PRG4: variants seen among roughly 807,000 people sequenced by gnomAD.
PRG4 encodes proteoglycan 4.
PRG4 carries 61 observed loss-of-function variants against 91.2 expected under a neutral mutation model. That is an observed-to-expected ratio of 0.67 (90% CI 0.54 to 0.83). The LOEUF is 0.83. Among genes scored for constraint, PRG4 ranks in the 40% least tolerant of loss-of-function variants. The pLI is 0.00. For missense variants in PRG4, 1,564 were observed against 1,714.2 expected, an observed-to-expected ratio of 0.91 and a Z score of 1.55; for synonymous variants, 576 against 614.2, an observed-to-expected ratio of 0.94 and a Z score of 0.92.
intron 3 of PRG4, 123 bp from the exon 4 acceptor site, chr1:186,301,469 A>G: frequency 7.1e-7 from 1 of 1,409,062 alleles, no homozygotes; most frequent in Admixed American, 1.9e-5. Context: ...CCAAATTTCA[A>G]ATAAAAGACT....
chr1:186,299,963 G>T, intron 2 of PRG4, 128 bp from the exon 3 acceptor site: 1 of 1,111,856 alleles, frequency 9.0e-7, no homozygotes, highest in Non-Finnish European at 1.4e-6. Flanking sequence ...GCCTATTGCT[G>T]ACATCATTCC....
chr1:186,298,123 G>A (rs1655972264), intron 2 of PRG4, among the ~76,000 whole-genome samples: 1 of 152,190 alleles, frequency 6.6e-6, no homozygotes, highest in Non-Finnish European at 1.5e-5. Flanking sequence ...GCTCACACCT[G>A]TAATCCCAGC....
In PRG4 at chr1:186,312,096, T is replaced by C. The variant is rs991242002; in HGVS notation, c.3794-79T>C. The C allele has an allele frequency of 9.6e-5, 119 of 1,233,284 alleles. 4 individuals carry two copies. The Middle Eastern group carries it at 2.9e-3, about 30-fold the overall frequency. 76.4% of individuals were successfully genotyped at this position (1,233,284 alleles called of 1,614,324 possible). A position where few individuals can be genotyped will look rare whatever the true frequency, so the allele number is the denominator to read the frequency against. ...GAGAACAAAACTGTTTCCTATACAT[T>C]GTAAAAGTTGTTTTCCACCTTTTCT... is the stretch of plus-strand genomic sequence containing the variant. On this transcript the variant is annotated intron_variant, in intron 10 of 12. Transcript: ENST00000445192.
In PRG4 at chr1:186,311,501, T is replaced by C; in HGVS notation, c.3698T>C (p.Phe1233Ser). 6.2e-7 allele frequency: 1 copy of C among 1,613,714 alleles called. No individual in the cohort carries two copies. The highest frequency in any genetic ancestry group is 8.5e-7 in the Non-Finnish European group (1 of 1,179,636). The change falls in exon 10 of 13, where the codon TTC becomes TCC. Residue 1233 changes from phenylalanine to serine, a missense_variant. Around this residue, in one of 3 missense-constraint regions of PRG4, gnomAD observed 1,079 missense variants for 1,162.2 expected, o/e 0.93. Transcript: ENST00000445192. ...IKDAGYPKPI[F>S]KGFGGLTGQI... Reference sequence around the variant, plus strand: ...GATGCAGGGTACCCCAAACCAATTTTCAAAGGATTTGGAGGACTAACTGGA... The same window carrying C: ...GATGCAGGGTACCCCAAACCAATTTCCAAAGGATTTGGAGGACTAACTGGA...
In PRG4 at chr1:186,307,060, C is replaced by A; in HGVS notation, c.1341C>A (p.Thr447=). 6.5e-7 allele frequency: 1 copy of A among 1,549,512 alleles called. No homozygotes were observed. Among genetic ancestry groups the A allele is most frequent in the Non-Finnish European group, 8.7e-7 (1 of 1,145,192 alleles). The part of the protein sequence containing the change: ...PTTPKKPAPT[T]PKEPAPTTPK... ...CCCCCAAGAAGCCTGCCCCAACTAC[C>A]CCCAAGGAGCCTGCACCCACCACTC... is the stretch of plus-strand genomic sequence containing the variant. Residue 447 remains threonine, a synonymous_variant, in exon 7 of 13, where the codon ACC becomes ACA. Transcript: ENST00000445192.
At chr1:186,297,145 A>G (rs1655910636) in intron 2 of PRG4, among the ~76,000 whole-genome samples, 194 bp downstream of exon 2, 1 of 152,120 alleles carries the variant, frequency 6.6e-6, no homozygotes, top group South Asian at 2.1e-4. Flanking sequence ...TCTCCTTTTG[A>G]GAGTTTTGAG....
At chr1:186,311,902 T>C (rs1371825375) in intron 10 of PRG4, 1 of 541,812 alleles carries the variant, frequency 1.8e-6, no homozygotes, top group East Asian at 3.2e-5. Flanking sequence ...ATTCCAGTTT[T>C]AGTATATGTG....
chr1:186,313,970 T>C lies in PRG4; in HGVS notation c.*192T>C, dbSNP rs753528402. 6.2e-7 allele frequency: 1 copy of C among 1,611,620 alleles called. No individual in the cohort carries two copies. Among genetic ancestry groups the C allele is most frequent in the Non-Finnish European group, 8.5e-7 (1 of 1,178,786 alleles). On this transcript the variant is annotated 3_prime_UTR_variant, in exon 13 of 13. Transcript: ENST00000445192. ...CACAGTTGTTATTGTTTACAGACCA[T>C]TTAATTAATATTTCCTCTGTTTATT...
chr1:186,296,903 C>T lies in PRG4; in HGVS notation c.28C>T (p.Leu10=). The change falls in exon 2 of 13, where the codon CTG becomes TTG. Residue 10 remains leucine (L), a synonymous_variant. Coordinates refer to ENST00000445192, the MANE Select transcript of PRG4 (RefSeq NM_005807.6). ...GGCATGGAAAACACTTCCCATTTACCTGTTGTTGCTGCTGTCTGTTTTCGT... is the reference window on the plus strand; with the variant it reads ...GGCATGGAAAACACTTCCCATTTACTTGTTGTTGCTGCTGTCTGTTTTCGT... MAWKTLPIY[L]LLLLSVFVIQ... is the part of the protein sequence containing the mutation. The T allele has an allele frequency of 6.2e-7, 1 of 1,613,970 alleles. No individual in the cohort carries two copies.
rs751315380 is a variant in PRG4 at position 186,300,035 on chromosome 1, G to T, written c.77-56G>T. ...GTGGCTTTGTCCCCCTCGTTAGATTGCTCCCTTTCTATAAAGTGGTTTGGC... is the reference window on the plus strand; with the variant it reads ...GTGGCTTTGTCCCCCTCGTTAGATTTCTCCCTTTCTATAAAGTGGTTTGGC... On this transcript the variant is annotated intron_variant, in intron 2 of 12. Coordinates refer to ENST00000445192, the MANE Select transcript of PRG4 (RefSeq NM_005807.6). The T allele has an allele frequency of 3.8e-6, 6 of 1,595,490 alleles. No homozygotes were observed. The African/African-American group carries it at 8.1e-5, about 21-fold the overall frequency.
At chr1:186,299,773 A>G (rs903239346) in intron 2 of PRG4, among the ~76,000 whole-genome samples, 6 of 152,234 alleles carry the variant, frequency 3.9e-5, no homozygotes, top group African/African-American at 1.2e-4. Flanking sequence ...GCAACTGCTA[A>G]TCATCAAAAC....
chr1:186,304,693 T>C, intron 5 of PRG4, 101 bp from the exon 6 acceptor site: 1 of 1,437,170 alleles, frequency 7.0e-7, no homozygotes, highest in Non-Finnish European at 9.6e-7. Flanking sequence ...ATCCAGATAC[T>C]TGTAGACTAG....
chr1:186,301,845 A>G, intron 4 of PRG4, 134 bp downstream of exon 4: 1 of 1,312,888 alleles, frequency 7.6e-7, no homozygotes, highest in Non-Finnish European at 1.1e-6. Context: ...ATTTCATAAT[A>G]ATTTTGTTTT....
At chr1:186,298,740 G>A (rs1435383659) in intron 2 of PRG4, among the ~76,000 whole-genome samples, 1 of 152,092 alleles carries the variant, frequency 6.6e-6, no homozygotes, top group Non-Finnish European at 1.5e-5. Flanking sequence ...GCCCGCCTCA[G>A]CCTCCCAAAG....
At position 186,314,201 on chromosome 1, in the gene PRG4, A is replaced by C. The variant is rs550867631; in HGVS notation, c.*423A>C. Reference sequence around the variant, plus strand: ...GCAGATTAATCCCTCTTTTTGTGACACAAGTACAATCTAAAAGTTATATTG... The same window carrying C: ...GCAGATTAATCCCTCTTTTTGTGACCCAAGTACAATCTAAAAGTTATATTG... On this transcript the variant is annotated 3_prime_UTR_variant, in exon 13 of 13. Transcript: ENST00000445192. The C allele has an allele frequency of 1.3e-4, 74 of 566,760 alleles. No homozygotes were observed. Among genetic ancestry groups the C allele is most frequent in the African/African-American group, 1.2e-3 (66 of 53,078 alleles). The allele number at this position is 566,760 out of a possible 1,614,324, so 35.1% of individuals were successfully genotyped here.
In PRG4 at chr1:186,307,915, G is replaced by A. The variant is rs1656843754; in HGVS notation, c.2196G>A (p.Glu732=). The change falls in exon 7 of 13, where the codon GAG becomes GAA. Residue 732 remains glutamate (E), a synonymous_variant. Coordinates refer to ENST00000445192, the MANE Select transcript of PRG4 (RefSeq NM_005807.6). ...CTCCCAAGAAGCCTGCCCCCAAGGA[G>A]CTTGCACCCACCACCACCAAGGAGC... is the stretch of plus-strand genomic sequence containing the variant. The part of the protein sequence containing the change: ...PTTPKKPAPK[E]LAPTTTKEPT... 1 of 1,605,668 alleles carries A rather than the reference G, an allele frequency of 6.2e-7. No homozygotes were observed. The highest frequency in any genetic ancestry group is 1.4e-5 in the African/African-American group (1 of 71,876).
rs199583773 is a variant in PRG4 at position 186,304,286 on chromosome 1, A to C, written c.469+29A>C. The C allele has an allele frequency of 3.8e-6, 6 of 1,599,288 alleles. No homozygotes were observed. In the East Asian group the frequency reaches 8.9e-5, roughly 24 times the overall value. On this transcript the variant is annotated intron_variant, in intron 5 of 12. Coordinates refer to ENST00000445192, the MANE Select transcript of PRG4 (RefSeq NM_005807.6). The stretch of plus-strand genomic sequence containing the variant: ...GGAAGATGACAGATATAATCAAAGG[A>C]GCTTTCTTAGATGAAGTAACTTGTA...
In PRG4 at chr1:186,308,484, G is replaced by A. The variant is rs749344668; in HGVS notation, c.2765G>A (p.Arg922Lys). ...TTTAKDKTTE[R>K]DLRTTPETTT... is the part of the protein sequence containing the mutation. ...ACAGCTAAAGACAAGACAACAGAAA[G>A]AGACTTACGTACTACACCTGAAACT... Residue 922 changes from arginine (R) to lysine (K), a missense_variant, in exon 7 of 13, where the codon AGA (arginine) becomes AAA (lysine). By Grantham distance (26) the Arg-to-Lys change is conservative. Coordinates refer to ENST00000445192, the MANE Select transcript of PRG4 (RefSeq NM_005807.6). The A allele has an allele frequency of 1.9e-6, 3 of 1,613,798 alleles. No individual in the cohort carries two copies. Among genetic ancestry groups the A allele is most frequent in the African/African-American group, 1.3e-5 (1 of 75,042 alleles).
At chr1:186,310,137 G>C (rs1388699141) in intron 8 of PRG4, among the ~76,000 whole-genome samples, 1 of 90,830 alleles carries the variant, frequency 1.1e-5, no homozygotes, top group Non-Finnish European at 2.1e-5. Flanking sequence ...ATTTTTTTTG[G>C]GGGGGGGGGG....
Sources: gnomAD v4.1 joint callset for allele counts (sites outside exome capture counted in the v4.1 genomes callset) on GRCh38, gnomAD v4.1.1 for gene constraint, gnomAD v4.1.1 regional missense constraint, MANE v1.5 for transcripts, NCBI Gene and HGNC (gene_info 2026-07-23, HGNC 2026-07-21) for gene names.